Variants in TRIM14 observed in about 807,000 individuals in gnomAD.
The protein encoded by TRIM14 is tripartite motif-containing protein 14.
A neutral mutation model predicts 44.5 loss-of-function variants in TRIM14; 28 were observed. The observed-to-expected ratio is 0.63, with a 90% CI of 0.47 to 0.86. The LOEUF (loss-of-function observed/expected upper bound fraction) is 0.86, where lower values mean the gene tolerates loss of function less well. TRIM14 is among the 40% of genes least tolerant of loss of function. TRIM14 has a pLI of 0.00. For missense variants in TRIM14, 607 were observed against 611.1 expected (o/e 0.99, Z 0.07); for synonymous variants, 299 against 269.2 (o/e 1.11, Z -1.08).
chr9:98,085,630 GAATT>G lies in TRIM14; in HGVS notation c.*1836_*1839del, dbSNP rs1825746526. On this transcript the variant is annotated 3_prime_UTR_variant, in exon 6 of 6. Coordinates refer to ENST00000341469, the MANE Select transcript of TRIM14 (RefSeq NM_014788.4). The stretch of plus-strand genomic sequence containing the variant: ...AATTCAGTTTGGGCCATTCCTAATA[GAATT>G]AATTTCCCCTTTTTCTCAGGATTCC... 6.6e-6 allele frequency: 1 copy of G among 152,082 alleles called. No homozygotes were observed. Among genetic ancestry groups the G allele is most frequent in the South Asian group, 2.1e-4 (1 of 4,824 alleles). 9.4% of individuals were successfully genotyped at this position (152,082 alleles called of 1,614,324 possible).
chr9:98,047,586 T>A, the TRIM14 span, among the ~76,000 whole-genome samples: 12 of 152,296 alleles, frequency 7.9e-5, no homozygotes, highest in African/African-American at 2.2e-4. Context: ...TGTTCTTTTC[T>A]GCATTGCATT....
At chr9:98,036,560 G>C in the TRIM14 span, among the ~76,000 whole-genome samples, 1 of 150,806 alleles carries the variant, frequency 6.6e-6, no homozygotes, top group Admixed American at 6.6e-5. Flanking sequence ...CCAGCACTTT[G>C]GGAGGTTCAG....
the TRIM14 span, among the ~76,000 whole-genome samples, chr9:98,064,075 A>G: frequency 6.6e-6 from 1 of 152,198 alleles, no homozygotes; most frequent in South Asian, 2.1e-4. Flanking sequence ...AGAAGCACAC[A>G]TGCAGCTCAG....
chr9:98,058,018 G>C, the TRIM14 span, among the ~76,000 whole-genome samples: 1 of 143,962 alleles, frequency 6.9e-6, no homozygotes, highest in South Asian at 2.2e-4. Flanking sequence ...TGCCTCCCAG[G>C]CTTAAGTGAT....
Position 98,109,481 on chromosome 9 carries a change from G to C in TRIM14, c.303+408C>G, listed in dbSNP as rs16912731. 5.3e-3 allele frequency among the ~76,000 whole-genome samples: 809 copies of C among 152,286 alleles called. 6 individuals are homozygous for C. Among genetic ancestry groups the C allele is most frequent in the African/African-American group, 0.019 (772 of 41,562 alleles). ...AGAGTGAAGAAAGTACCTATTTGTG[G>C]AACAGATCTTACCCTACTTGCTTTC... is the stretch of plus-strand genomic sequence containing the variant. On this transcript the variant is annotated intron_variant, in intron 2 of 5. Coordinates refer to ENST00000341469, the MANE Select transcript of TRIM14 (RefSeq NM_014788.4).
intron 4 of TRIM14, among the ~76,000 whole-genome samples, chr9:98,093,445 C>T (rs574998347): frequency 6.6e-6 from 1 of 152,308 alleles, no homozygotes; most frequent in Admixed American, 6.5e-5. Flanking sequence ...TTATGGTCTC[C>T]ACTTTACAGA....
the TRIM14 span, among the ~76,000 whole-genome samples, chr9:98,052,022 G>A: frequency 2.6e-5 from 4 of 151,954 alleles, no homozygotes; most frequent in Admixed American, 6.6e-5. Flanking sequence ...AAATATATTC[G>A]CTACCTGGTT....
chr9:98,061,063 ACTTCCGGCTTAGGGCCACCTCCAG>A, the TRIM14 span: 1 of 1,528,312 alleles, frequency 6.5e-7, no homozygotes, highest in Non-Finnish European at 9.0e-7. Context: ...CAGCCTGGTG[ACTTCCGGCTTAGGGCCACCTCCAG>A]CCCTTGCTCA....
intron 6 of TRIM14, chr9:98,078,057 C>T: frequency 7.5e-7 from 1 of 1,326,684 alleles, no homozygotes; most frequent in South Asian, 1.5e-5. Flanking sequence ...TCTGTTCCCC[C>T]ACAGGGGCTG....
rs572521028 is a variant in TRIM14, at chr9:98,087,546, C to T, written c.1253G>A (p.Arg418His). 4 of 1,595,776 alleles carry T rather than the reference C, an allele frequency of 2.5e-6. No homozygotes were observed. The highest frequency in any genetic ancestry group is 2.3e-5 in the East Asian group (1 of 44,212). ...GTAGAGCGGCTCCTGGAACGTGGCGCGGAAGGTATGCAGGTGGCTCATGCC... is the reference window on the plus strand; with the variant it reads ...GTAGAGCGGCTCCTGGAACGTGGCGTGGAAGGTATGCAGGTGGCTCATGCC... ...TGGMSHLHTF[R>H]ATFQEPLYPA... The change falls in exon 6 of 6, where the codon CGC becomes CAC. Residue 418 changes from arginine (R) to histidine (H), a missense_variant. Around this residue, in one of 3 missense-constraint regions of TRIM14, gnomAD observed 356 missense variants for 323.0 expected, o/e 1.10. Transcript: ENST00000341469.
chr9:98,059,433 G>C, the TRIM14 span, among the ~76,000 whole-genome samples: 2 of 150,924 alleles, frequency 1.3e-5, no homozygotes, highest in Non-Finnish European at 3.0e-5. Context: ...GTTTTTGTTT[G>C]AGTCAAGGTC....
At chr9:98,041,747 A>G in the TRIM14 span, among the ~76,000 whole-genome samples, 1 of 151,364 alleles carries the variant, frequency 6.6e-6, no homozygotes, top group African/African-American at 2.4e-5. Context: ...GAGTGGCACA[A>G]TCTCGGCTCA....
chr9:98,117,487 C>T (rs968031594), intron 1 of TRIM14, among the ~76,000 whole-genome samples: 22 of 151,882 alleles, frequency 1.4e-4, no homozygotes, highest in Non-Finnish European at 2.4e-4. Context: ...TTAATAGAGA[C>T]GGGGTTTCCC....
the TRIM14 span, chr9:98,061,293 A>G: frequency 3.0e-6 from 1 of 332,022 alleles, no homozygotes; most frequent in Non-Finnish European, 5.8e-6. Flanking sequence ...CCTGGCCAAC[A>G]TGGTGAAACC....
intron 6 of TRIM14, among the ~76,000 whole-genome samples, chr9:98,078,601 C>T (rs112716631): frequency 6.3e-4 from 96 of 151,942 alleles, no homozygotes; most frequent in African/African-American, 2.1e-3. Flanking sequence ...TTTGGGAGGT[C>T]GAGGTGGGCA....
intron 1 of TRIM14, 111 bp downstream of exon 1, chr9:98,118,871 C>T (rs576791813): frequency 1.6e-6 from 2 of 1,272,362 alleles, no homozygotes; most frequent in African/African-American, 1.6e-5. Context: ...CTTTGGTTTC[C>T]AGGTTGTAAC....
chr9:98,108,897 T>TTTTTTTGG (rs1826727985), intron 2 of TRIM14, among the ~76,000 whole-genome samples: 1 of 149,242 alleles, frequency 6.7e-6, no homozygotes, highest in African/African-American at 2.5e-5. Context: ...TTTTTTTTTT[T>TTTTTTTGG]GATAGGGTTT....
chr9:98,067,073 C>T (rs2131629867), downstream of TRIM14, among the ~76,000 whole-genome samples: 1 of 152,264 alleles, frequency 6.6e-6, no homozygotes, highest in East Asian at 1.9e-4. Flanking sequence ...TATGTTGTAG[C>T]ATATATCAGT....
intron 4 of TRIM14, 88 bp from the exon 5 acceptor site, chr9:98,092,089 C>T (rs1826015008): frequency 4.2e-6 from 4 of 954,438 alleles, no homozygotes; most frequent in Non-Finnish European, 4.6e-6. Context: ...ACTGGAGATT[C>T]GCATAATCTC....
Sources: gnomAD v4.1 joint callset for allele counts (sites outside exome capture counted in the v4.1 genomes callset) on GRCh38, gnomAD v4.1.1 for gene constraint, gnomAD v4.1.1 regional missense constraint, MANE v1.5 for transcripts, NCBI Gene and HGNC (gene_info 2026-07-23, HGNC 2026-07-21) for gene names.